The following KNTC1 variants were observed in gnomAD, a reference collection of about 807,000 sequenced individuals.
The protein encoded by KNTC1 is kinetochore associated 1, also known as kinetochore-associated protein 1.
A neutral mutation model predicts 314.4 loss-of-function variants in KNTC1; 253 were observed. The ratio of observed to expected loss-of-function variants is 0.80; its 90% CI spans 0.73 to 0.89. The LOEUF is 0.89. KNTC1 is among the 40% of genes least tolerant of loss of function. The pLI is 0.00. For missense variants in KNTC1, 2,475 were observed against 2,572.9 expected (o/e 0.96, Z 0.82); for synonymous variants, 901 against 901.4 (o/e 1.00, Z 0.01).
chr12:122,604,967 A>G lies in KNTC1; in HGVS notation c.5266A>G (p.Lys1756Glu), dbSNP rs1872419095. ...CACAGAAGCTGTGCTCATAGCCCACAAGCTGAACACTGAGGAATATTTAAG... is the reference window on the plus strand; with the variant it reads ...CACAGAAGCTGTGCTCATAGCCCACGAGCTGAACACTGAGGAATATTTAAG... ...SGTEAVLIAHKLNTEEYLRVI... is the reference protein window; with the variant it reads ...SGTEAVLIAHELNTEEYLRVI... The change falls in exon 50 of 64, where the codon AAG becomes GAG. Residue 1756 changes from lysine to glutamate, a missense_variant. Transcript: ENST00000333479. The G allele has an allele frequency of 1.2e-6, 2 of 1,612,562 alleles. No individual in the cohort carries two copies. Among genetic ancestry groups the G allele is most frequent in the Admixed American group, 1.7e-5 (1 of 59,812 alleles).
At chr12:122,608,209 A>G (rs1872738335) in intron 51 of KNTC1, among the ~76,000 whole-genome samples, 1 of 152,148 alleles carries the variant, frequency 6.6e-6, no homozygotes, top group African/African-American at 2.4e-5. Context: ...TCCCCGGCTC[A>G]AGTGATTGTC....
At chr12:122,590,138 C>T (rs77112404) in intron 40 of KNTC1, among the ~76,000 whole-genome samples, 7,792 of 152,058 alleles carry the variant, frequency 0.051, 644 homozygotes, top group African/African-American at 0.18. Flanking sequence ...TTAAGAATAG[C>T]ACAAAGATCT....
In KNTC1 at chr12:122,546,044, A is replaced by G. The variant is rs1475256157; in HGVS notation, c.670-132A>G. On this transcript the variant is annotated intron_variant, in intron 8 of 63. Transcript: ENST00000333479. ...AACCAAGAGAGGAACTGGAAGATGA[A>G]ACCTAGTTAAGTTAGAATATGTAAA... 6.2e-6 allele frequency: 4 copies of G among 643,394 alleles called. No individual in the cohort carries two copies. The African/African-American group carries it at 7.6e-5, about 12-fold the overall frequency. The allele number at this position is 643,394 out of a possible 1,614,324, so 39.9% of individuals were successfully genotyped here.
At chr12:122,578,351 C>T (rs949582877) in intron 31 of KNTC1, among the ~76,000 whole-genome samples, 3 of 151,880 alleles carry the variant, frequency 2.0e-5, no homozygotes, top group African/African-American at 7.3e-5. Context: ...AAGTTCTCTT[C>T]TAGCCTTAGC....
At chr12:122,605,693 C>T (rs1375361288) in intron 51 of KNTC1, among the ~76,000 whole-genome samples, 5 of 149,866 alleles carry the variant, frequency 3.3e-5, no homozygotes, top group Non-Finnish European at 3.0e-5. Flanking sequence ...TTACAGGCGC[C>T]TGCTACCACA....
chr12:122,588,613 A>T, intron 39 of KNTC1, 99 bp from the exon 40 acceptor site: 1 of 880,726 alleles, frequency 1.1e-6, no homozygotes, highest in Non-Finnish European at 1.6e-6. Context: ...CTTTTTGGAT[A>T]TAATGATGAA....
intron 2 of KNTC1, among the ~76,000 whole-genome samples, chr12:122,530,575 C>G (rs1439065837): frequency 6.6e-6 from 1 of 151,952 alleles, no homozygotes; most frequent in Non-Finnish European, 1.5e-5. Context: ...CTCAGCCTCC[C>G]AAGTAGCTGA....
chr12:122,596,054 T>C (rs911854292), intron 43 of KNTC1, among the ~76,000 whole-genome samples: 5 of 151,912 alleles, frequency 3.3e-5, no homozygotes, highest in Non-Finnish European at 7.4e-5. Context: ...ATTTCAGTTG[T>C]CATTTTGTCT....
At chr12:122,561,190 T>C (rs2137841266) in intron 18 of KNTC1, among the ~76,000 whole-genome samples, 1 of 151,890 alleles carries the variant, frequency 6.6e-6, no homozygotes, top group South Asian at 2.1e-4. Context: ...TGGCGCATGC[T>C]TGTAATCCCA....
rs369781146 is a variant in KNTC1 at position 122,546,632 on chromosome 12, G to A, written c.774G>A (p.Lys258=). The A allele has an allele frequency of 6.1e-5, 96 of 1,585,974 alleles. No individual in the cohort carries two copies. The South Asian group carries it at 1.1e-3, about 17-fold the overall frequency. The change falls in exon 10 of 64, where the codon AAG becomes AAA. Residue 258 remains lysine, a synonymous_variant. Coordinates refer to ENST00000333479, the MANE Select transcript of KNTC1 (RefSeq NM_014708.6). ...TTTTCTCTTTTGTAGGTGCAAAGAA[G>A]TTCCAGCTGATAGACAATCTACTTT... is the stretch of plus-strand genomic sequence containing the variant. ...IDAEIIKGAK[K]FQLIDNLLFV...
At chr12:122,583,104 G>C (rs1868675729) in intron 34 of KNTC1, 119 bp downstream of exon 34, 1 of 865,734 alleles carries the variant, frequency 1.2e-6, no homozygotes, top group Non-Finnish European at 1.8e-6. Context: ...AAGGTCAGGA[G>C]ATCAAGACCA....
chr12:122,616,961 A>G (rs1019925034), intron 57 of KNTC1, among the ~76,000 whole-genome samples: 5 of 152,154 alleles, frequency 3.3e-5, no homozygotes, highest in African/African-American at 1.2e-4. Flanking sequence ...TATTCTGGAC[A>G]TTTTGTATCA....
chr12:122,617,423 A>G (rs752551019), intron 57 of KNTC1: 84 of 450,424 alleles, frequency 1.9e-4, no homozygotes, highest in Non-Finnish European at 2.5e-4. Flanking sequence ...AGGTCTTGCT[A>G]TGTTGCCTAG....
rs1355937586 is a variant in KNTC1, at chr12:122,544,182, T to C, written c.582T>C (p.Ser194=). Residue 194 remains serine (S), a synonymous_variant, in exon 8 of 64, where the codon AGT becomes AGC. Coordinates refer to ENST00000333479, the MANE Select transcript of KNTC1 (RefSeq NM_014708.6). ...AGTTACAAGGACAAATCAAGTCCAG[T>C]TTTATTTCTACTGAAAATTATCATA... The part of the protein sequence containing the change: ...AKKLQGQIKS[S]FISTENYHTL... The C allele has an allele frequency of 1.3e-6, 2 of 1,569,400 alleles. No individual in the cohort carries two copies. The highest frequency in any genetic ancestry group is 1.7e-6 in the Non-Finnish European group (2 of 1,159,006).
chr12:122,601,800 A>T (rs987540380), intron 45 of KNTC1, 175 bp downstream of exon 45: 1 of 656,438 alleles, frequency 1.5e-6, no homozygotes, highest in Non-Finnish European at 2.2e-6. Context: ...AAAGATTTTC[A>T]TGACATTCCT....
chr12:122,565,426 G>T (rs1964266614), intron 20 of KNTC1, among the ~76,000 whole-genome samples: 1 of 151,246 alleles, frequency 6.6e-6, no homozygotes, highest in African/African-American at 2.4e-5. Context: ...GGACCGAGTT[G>T]TTCTTTTCAA....
chr12:122,565,515 A>AT (rs60788698), intron 20 of KNTC1, among the ~76,000 whole-genome samples: 5,954 of 147,196 alleles, frequency 0.04, 397 homozygotes, highest in African/African-American at 0.14. Context: ...TGTTATTATT[A>AT]TTTTTTTTTT....
rs747207034 is a variant in KNTC1 at position 122,544,207 on chromosome 12, A to T, written c.607A>T (p.Thr203Ser). Residue 203 changes from threonine to serine, a missense_variant, in exon 8 of 64, where the codon ACT becomes TCT. Coordinates refer to ENST00000333479, the MANE Select transcript of KNTC1 (RefSeq NM_014708.6). Reference protein sequence around the residue: ...SSFISTENYHTLGCLSLVAGD... With the variant: ...SSFISTENYHSLGCLSLVAGD... ...TTTTATTTCTACTGAAAATTATCAT[A>T]CTCTTGGTTGTCTCAGTCTTGTGGC... The T allele has an allele frequency of 1.9e-6, 3 of 1,585,266 alleles. No homozygotes were observed. Among genetic ancestry groups the T allele is most frequent in the South Asian group, 1.2e-5 (1 of 84,330 alleles).
In KNTC1 at chr12:122,575,756, A is replaced by G. The variant is rs3741535; in HGVS notation, c.2487-44A>G. 21 of 1,554,772 alleles carry G rather than the reference A, an allele frequency of 1.4e-5. No individual in the cohort carries two copies. In the African/African-American group the frequency reaches 2.4e-4, roughly 18 times the overall value. Reference sequence around the variant, plus strand: ...TGTTTGCTGTGTCCCATAGTACTTCATAAAAAAGACAATCCATGTTAATAT... The same window carrying G: ...TGTTTGCTGTGTCCCATAGTACTTCGTAAAAAAGACAATCCATGTTAATAT... On this transcript the variant is annotated intron_variant, in intron 28 of 63. Coordinates refer to ENST00000333479, the MANE Select transcript of KNTC1 (RefSeq NM_014708.6).
Sources: allele counts gnomAD v4.1 joint callset (sites outside exome capture counted in the v4.1 genomes callset), GRCh38; gene constraint gnomAD v4.1.1; transcripts MANE v1.5; gene names NCBI Gene and HGNC (gene_info 2026-07-23, HGNC 2026-07-21).